Variants in CCDC30 observed in about 807,000 individuals in gnomAD.
CCDC30 encodes the protein coiled-coil domain containing 30, also known as coiled-coil domain-containing protein 30.
A neutral mutation model predicts 100.2 loss-of-function variants in CCDC30; 70 were observed. That is an observed-to-expected ratio of 0.70 (90% CI 0.58 to 0.85). The LOEUF (loss-of-function observed/expected upper bound fraction) is 0.85. CCDC30 is among the 40% of genes least tolerant of loss of function. The pLI, the probability that CCDC30 is intolerant of heterozygous loss-of-function variation, is 0.00. For synonymous variants in CCDC30, 233 were observed against 269.5 expected, an observed-to-expected ratio of 0.86 and a Z score of 1.33; for missense variants, 652 against 771.2, an observed-to-expected ratio of 0.85 and a Z score of 1.83.
At chr1:42,485,103 A>T (rs569285813) in intron 3 of CCDC30, among the ~76,000 whole-genome samples, 1 of 152,298 alleles carries the variant, frequency 6.6e-6, no homozygotes, top group Non-Finnish European at 1.5e-5. Flanking sequence ...TGAAATATTC[A>T]TAAGTGAATG....
At chr1:42,633,970 G>C (rs1242602624) in intron 11 of CCDC30, among the ~76,000 whole-genome samples, 1 of 151,900 alleles carries the variant, frequency 6.6e-6, no homozygotes, top group Non-Finnish European at 1.5e-5. Context: ...AGTAAAAGGG[G>C]AAAAACCCCT....
intron 6 of CCDC30, among the ~76,000 whole-genome samples, 198 bp downstream of exon 9, chr1:42,545,777 C>G (rs1233055392): frequency 6.6e-6 from 1 of 151,326 alleles, no homozygotes; most frequent in Non-Finnish European, 1.5e-5. Context: ...CAAACCCCAT[C>G]TCTACAAAAA....
intron 4 of CCDC30, among the ~76,000 whole-genome samples, chr1:42,494,341 T>C (rs1167967020): frequency 6.6e-6 from 1 of 152,208 alleles, no homozygotes; most frequent in Admixed American, 6.5e-5. Context: ...TTACACCTTA[T>C]ATGAAAATTA....
chr1:42,545,345 T>A, intron 6 of CCDC30, 65 bp from the exon 9 acceptor site: 1 of 1,311,698 alleles, frequency 7.6e-7, no homozygotes, highest in Non-Finnish European at 1.0e-6. Context: ...ATCAGTATAC[T>A]TTTTTTCACA....
intron 4 of CCDC30, among the ~76,000 whole-genome samples, chr1:42,494,113 A>G (rs1644190944): frequency 6.6e-6 from 1 of 152,192 alleles, no homozygotes; most frequent in Admixed American, 6.5e-5. Context: ...ACTATACTAC[A>G]AGGCTACAGT....
chr1:42,507,300 C>T (rs1644409275), intron 6 of CCDC30, among the ~76,000 whole-genome samples: 1 of 152,188 alleles, frequency 6.6e-6, no homozygotes. Flanking sequence ...GAAATCTTTG[C>T]AAACCTTTTG....
At chr1:42,500,342 T>C in intron 6 of CCDC30, 7 of 1,600,510 alleles carry the variant, frequency 4.4e-6, no homozygotes, top group Non-Finnish European at 5.1e-6. Flanking sequence ...TCAGACATAG[T>C]TGCCGAGGAA....
intron 6 of CCDC30, chr1:42,558,063 T>TTGC: frequency 4.4e-6 from 1 of 225,774 alleles, no homozygotes; most frequent in Non-Finnish European, 9.6e-6. Context: ...GAGACTCTTG[T>TTGC]TGGCTGCTTG....
At chr1:42,547,702 C>T (rs1054207001) in intron 6 of CCDC30, among the ~76,000 whole-genome samples, 3 of 152,098 alleles carry the variant, frequency 2.0e-5, no homozygotes, top group African/African-American at 7.2e-5. Flanking sequence ...CTTTTTTTCT[C>T]ATAATGTTTT....
At chr1:42,564,519 A>ACCTCAGGTGATCCACCCACCTTGG (rs370943075) in intron 6 of CCDC30, among the ~76,000 whole-genome samples, 1 of 151,038 alleles carries the variant, frequency 6.6e-6, no homozygotes, top group Non-Finnish European at 1.5e-5. Flanking sequence ...TGAACTCCTG[A>ACCTCAGGTGATCCACCCACCTTGG]CCTCCCAAAG....
intron 8 of CCDC30, 47 bp from the exon 13 acceptor site, chr1:42,581,313 G>T: frequency 6.7e-7 from 1 of 1,491,366 alleles, no homozygotes. Flanking sequence ...TTGAAAAAAG[G>T]TCACACTCTT....
chr1:42,505,158 A>T (rs757510782), intron 6 of CCDC30, among the ~76,000 whole-genome samples: 1 of 152,182 alleles, frequency 6.6e-6, no homozygotes, highest in African/African-American at 2.4e-5. Flanking sequence ...AGTTGCCAAG[A>T]TATAGAATTT....
chr1:42,535,015 T>C (rs1644869044), intron 6 of CCDC30: 1 of 152,174 alleles, frequency 6.6e-6, no homozygotes, highest in South Asian at 2.1e-4. Context: ...TAATTTTCAG[T>C]TACGTTTTCT....
rs560874042 is a variant in CCDC30 at position 42,485,641 on chromosome 1, C to T, written c.169+2825C>T. Among the ~76,000 whole-genome samples the T allele has an allele frequency of 1.6e-4, 25 of 151,944 alleles. No homozygotes were observed. The South Asian group carries it at 4.4e-3, about 27-fold the overall frequency. ...TCCAGCCTGGGTGACAGAGCAAGAC[C>T]CTGTCTCAAAGAAAAAAGATGGGCA... On this transcript the variant is annotated intron_variant, in intron 3 of 16. Coordinates refer to ENST00000668663, the Ensembl canonical transcript of CCDC30.
chr1:42,602,080 A>T (rs958396946), intron 10 of CCDC30, among the ~76,000 whole-genome samples: 1 of 152,230 alleles, frequency 6.6e-6, no homozygotes, highest in African/African-American at 2.4e-5. Context: ...GAATGGATAA[A>T]GTAGAAGAAT....
intron 4 of CCDC30, among the ~76,000 whole-genome samples, chr1:42,496,122 A>AGTGTGT (rs56267063): frequency 1.6e-4 from 23 of 147,416 alleles, no homozygotes; most frequent in African/African-American, 4.5e-4. Context: ...TTATTTGTGG[A>AGTGTGT]GTGTGTGTGT....
At chr1:42,605,753 C>G (rs1337036144) in intron 10 of CCDC30, among the ~76,000 whole-genome samples, 1 of 152,086 alleles carries the variant, frequency 6.6e-6, no homozygotes, top group Non-Finnish European at 1.5e-5. Context: ...TCCCAAAATG[C>G]TTGGATTACA....
intron 10 of CCDC30, chr1:42,590,205 C>G (rs560423117): frequency 6.6e-6 from 1 of 152,318 alleles, no homozygotes; most frequent in African/African-American, 2.4e-5. Flanking sequence ...AGTCCCTCAC[C>G]AGAAGCTGAC....
rs375950938 is a variant in CCDC30 at position 42,579,938 on chromosome 1, C to CAAA, written c.847-1412_847-1410dup. ...TGGGCAATATAGCAACAGCACATCTCAAAAAAAAAAAACCTCTCATATATT... is the reference window on the plus strand; with the variant it reads ...TGGGCAATATAGCAACAGCACATCTCAAAAAAAAAAAAAAACCTCTCATATATT... On this transcript the variant is annotated intron_variant, in intron 8 of 16. Coordinates refer to ENST00000668663, the Ensembl canonical transcript of CCDC30. 9.2e-3 allele frequency among the ~76,000 whole-genome samples: 1,299 copies of CAAA among 140,884 alleles called. 18 individuals are homozygous for CAAA. The highest frequency in any genetic ancestry group is 0.031 in the African/African-American group (1,186 of 38,396). The allele number at this position is 140,884 out of a possible 152,430, so 92.4% of individuals were successfully genotyped here.
Sources: gnomAD v4.1 joint callset for allele counts (sites outside exome capture counted in the v4.1 genomes callset) on GRCh38, gnomAD v4.1.1 for gene constraint, MANE v1.5 for transcripts, NCBI Gene and HGNC (gene_info 2026-07-23, HGNC 2026-07-21) for gene names.